Variants in OPHN1 observed in about 807,000 individuals in gnomAD.
The protein encoded by OPHN1 is oligophrenin-1.
In OPHN1, 11 loss-of-function variants were observed where a neutral mutation model predicts 60.7. The observed-to-expected ratio is 0.18, with a 90% CI of 0.11 to 0.30. The LOEUF (loss-of-function observed/expected upper bound fraction) is 0.30, where lower values mean the gene tolerates loss of function less well. Ranked by LOEUF, OPHN1 falls within the 10% of genes least tolerant of loss-of-function variation. The pLI is 1.00. For missense variants in OPHN1, 449 were observed against 611.0 expected, an observed-to-expected ratio of 0.73 and a Z score of 2.80; for synonymous variants, 226 against 222.6, an observed-to-expected ratio of 1.02 and a Z score of -0.14.
At chrX:68,333,804 C>G (rs2078308042) in intron 2 of OPHN1, among the ~76,000 whole-genome samples, 1 of 110,496 alleles carries the variant, frequency 9.1e-6, no homozygotes, top group South Asian at 3.8e-4. Context: ...TTATTAATTT[C>G]AGAATAAAAC....
intron 2 of OPHN1, among the ~76,000 whole-genome samples, chrX:68,384,541 G>A (rs1326860695): frequency 2.7e-5 from 3 of 111,512 alleles, no homozygotes; most frequent in Non-Finnish European, 5.6e-5. Context: ...CCAGTATGGT[G>A]AAACCCCATC....
At chrX:68,145,217 T>C in intron 15 of OPHN1, among the ~76,000 whole-genome samples, 1 of 111,890 alleles carries the variant, frequency 8.9e-6, no homozygotes, top group Non-Finnish European at 1.9e-5. Context: ...TTATGCCTGA[T>C]TTTGTAAACA....
chrX:68,116,323 G>T (rs1222316525), intron 16 of OPHN1, among the ~76,000 whole-genome samples: 1 of 111,909 alleles, frequency 8.9e-6, no homozygotes, highest in Non-Finnish European at 1.9e-5. Context: ...GGTATGGCAA[G>T]AAAATATATT....
At chrX:68,137,552 A>G (rs1452342773) in intron 15 of OPHN1, among the ~76,000 whole-genome samples, 8 of 111,676 alleles carry the variant, frequency 7.2e-5, no homozygotes, top group Non-Finnish European at 1.5e-4. Context: ...AGCACATTCC[A>G]TCTAAACTAC....
chrX:68,389,482 G>A (rs774674906), intron 2 of OPHN1, among the ~76,000 whole-genome samples: 64 of 107,684 alleles, frequency 5.9e-4, no homozygotes, highest in African/African-American at 2.2e-3. Context: ...CAGGAGAATC[G>A]CTTGAACCCA....
intron 2 of OPHN1, among the ~76,000 whole-genome samples, chrX:68,330,307 A>G (rs770348486): frequency 5.1e-4 from 57 of 111,145 alleles, no homozygotes; most frequent in African/African-American, 1.8e-3. Flanking sequence ...CATGTTGGCC[A>G]GGTTGGCCTC....
At chrX:68,075,159 T>C (rs766969432) in intron 19 of OPHN1, among the ~76,000 whole-genome samples, 1 of 111,488 alleles carries the variant, frequency 9.0e-6, no homozygotes, top group South Asian at 3.8e-4. Context: ...GCCCTATGAG[T>C]TTCCCAGCTT....
intron 2 of OPHN1, among the ~76,000 whole-genome samples, chrX:68,432,217 G>A (rs1394665984): frequency 9.0e-6 from 1 of 111,134 alleles, no homozygotes; most frequent in African/African-American, 3.3e-5. Context: ...CCTTGTGGCA[G>A]GGACTAAGTA....
At chrX:68,167,696 T>C (rs1324802222) in intron 15 of OPHN1, among the ~76,000 whole-genome samples, 1 of 92,453 alleles carries the variant, frequency 1.1e-5, no homozygotes, top group Non-Finnish European at 2.1e-5. Flanking sequence ...TATGTATATA[T>C]ACACATATGT....
chrX:68,239,473 G>T (rs2077769976), intron 5 of OPHN1, among the ~76,000 whole-genome samples: 1 of 111,549 alleles, frequency 9.0e-6, no homozygotes, highest in African/African-American at 3.3e-5. Flanking sequence ...CTAGGTCCGT[G>T]GGCACAGGCC....
intron 3 of OPHN1, among the ~76,000 whole-genome samples, chrX:68,283,370 G>A (rs909464946): frequency 9.0e-6 from 1 of 111,464 alleles, no homozygotes; most frequent in Admixed American, 9.6e-5. Context: ...GGAGTAGCTA[G>A]AATTTCTCTT....
chrX:68,097,222 T>A (rs1382985537), intron 18 of OPHN1, among the ~76,000 whole-genome samples, 193 bp from the exon 19 acceptor site: 1 of 111,357 alleles, frequency 9.0e-6, no homozygotes, highest in Non-Finnish European at 1.9e-5. Context: ...AAATTAGGAA[T>A]CAAAGTGGTT....
intron 2 of OPHN1, among the ~76,000 whole-genome samples, chrX:68,407,690 G>A (rs1052874156): frequency 8.8e-4 from 98 of 111,670 alleles, no homozygotes; most frequent in African/African-American, 3.0e-3. Flanking sequence ...CATAAATTTG[G>A]CATAACCATA....
intron 7 of OPHN1, 87 bp downstream of exon 7, chrX:68,213,775 G>T: frequency 1.7e-6 from 1 of 580,469 alleles, no homozygotes; most frequent in Non-Finnish European, 2.9e-6. Context: ...CACGTTCTTT[G>T]GGATTCTGTT....
At chrX:68,078,087 T>C (rs980192285) in intron 19 of OPHN1, among the ~76,000 whole-genome samples, 1 of 111,645 alleles carries the variant, frequency 9.0e-6, no homozygotes, top group East Asian at 2.8e-4. Flanking sequence ...TCTCTCTCTC[T>C]CTCTCCAGGG....
intron 6 of OPHN1, among the ~76,000 whole-genome samples, chrX:68,219,786 T>C (rs1264887997): frequency 9.7e-6 from 1 of 103,564 alleles, no homozygotes; most frequent in East Asian, 3.1e-4. Context: ...AAGCAGTGTG[T>C]AGAGGGAAAT....
intron 15 of OPHN1, among the ~76,000 whole-genome samples, chrX:68,192,472 C>A (rs377169946): frequency 1.5e-3 from 138 of 89,612 alleles, no homozygotes; most frequent in South Asian, 2.5e-3. Flanking sequence ...GACCCTGTCT[C>A]AAAAAAAAAA....
intron 21 of OPHN1, among the ~76,000 whole-genome samples, chrX:68,061,283 G>T (rs1016970705): frequency 9.0e-6 from 1 of 111,665 alleles, no homozygotes; most frequent in Non-Finnish European, 1.9e-5. Context: ...AGTAGCTGCC[G>T]CCAGCAGCCC....
intron 4 of OPHN1, among the ~76,000 whole-genome samples, 190 bp downstream of exon 4, chrX:68,282,866 T>C (rs1427876452): frequency 8.9e-6 from 1 of 111,923 alleles, no homozygotes; most frequent in Non-Finnish European, 1.9e-5. Flanking sequence ...TTTCCCTCTA[T>C]CTAATGCCAA....
Sources: allele counts gnomAD v4.1 joint callset (sites outside exome capture counted in the v4.1 genomes callset), GRCh38; gene constraint gnomAD v4.1.1; transcripts MANE v1.5; gene names NCBI Gene and HGNC (gene_info 2026-07-23, HGNC 2026-07-21).